FAM53C: variants seen among roughly 807,000 people sequenced by gnomAD.
FAM53C encodes family with sequence similarity 53 member C.
Under a neutral mutation model 34.7 loss-of-function variants are expected in FAM53C, and 10 were observed. That is an observed-to-expected ratio of 0.29 (90% CI 0.18 to 0.49). The LOEUF (loss-of-function observed/expected upper bound fraction) is 0.49. Ranked by LOEUF, FAM53C falls within the 20% of genes least tolerant of loss-of-function variation. FAM53C has a pLI of 0.99. For missense variants in FAM53C, 442 were observed against 515.3 expected, an observed-to-expected ratio of 0.86 and a Z score of 1.38; for synonymous variants, 203 against 203.6, an observed-to-expected ratio of 1.00 and a Z score of 0.03.
chr5:138,337,757 A>G, upstream of FAM53C: 3 of 356,428 alleles, frequency 8.4e-6, no homozygotes, highest in South Asian at 4.4e-5. Flanking sequence ...CTTGGACCAC[A>G]CTTCCCAGCA....
In FAM53C at chr5:138,344,845, CT is replaced by C; in HGVS notation, c.158del (p.Leu53ArgfsTer22). 1.3e-6 allele frequency: 2 copies of C among 1,567,276 alleles called. No individual in the cohort carries two copies. The highest frequency in any genetic ancestry group is 1.9e-5 in the Admixed American group (1 of 51,512). On this transcript the variant is annotated frameshift_variant, in exon 4 of 5. Transcript: ENST00000239906. LOFTEE classifies it high-confidence loss of function. ...LVSEGASWRG[L>X]PHCSCAEFQD... ...TCCAGAAGGTGCTTCCTGGAGGGGC[CT>C]GCCCCACTGTTCCTGTGCTGAGTTC...
In FAM53C at chr5:138,341,827, G is replaced by C. The variant is rs1456255330; in HGVS notation, c.97G>C (p.Asp33His). 1.9e-6 allele frequency: 3 copies of C among 1,614,064 alleles called. No homozygotes were observed. The highest frequency in any genetic ancestry group is 2.5e-6 in the Non-Finnish European group (3 of 1,180,030). ...TTCTTAGCCTTTGCCTGATCATGCA[G>C]ACATCTCCAACTGTGGGAACTCTTT... is the stretch of plus-strand genomic sequence containing the variant. ...SISLPLPDHA[D>H]ISNCGNSFQL... Residue 33 changes from aspartate to histidine, a missense_variant, in exon 3 of 5, where the codon GAC becomes CAC. By Grantham distance (81) the Asp-to-His change is moderately conservative. Coordinates refer to ENST00000239906, the MANE Select transcript of FAM53C (RefSeq NM_016605.3).
chr5:138,341,775 A>T (rs375006021), intron 2 of FAM53C, 34 bp from the exon 3 acceptor site: 52 of 1,607,206 alleles, frequency 3.2e-5, no homozygotes, highest in Non-Finnish European at 4.0e-5. Context: ...TGTGTCCTGA[A>T]TCCAAATCAT....
rs895434192 is a variant in FAM53C, at chr5:138,345,631, G to A, written c.921+22G>A. 5 of 1,595,610 alleles carry A rather than the reference G, an allele frequency of 3.1e-6. No homozygotes were observed. Among genetic ancestry groups the A allele is most frequent in the Non-Finnish European group, 4.3e-6 (5 of 1,169,444 alleles). ...TCAGGTGGGACCAGCAAGACTAGGG[G>A]AGCTTAGATGGGAGTGTGGGGACTG... On this transcript the variant is annotated intron_variant, in intron 4 of 4. Coordinates refer to ENST00000239906, the MANE Select transcript of FAM53C (RefSeq NM_016605.3). This position sits in a 1 kb window ranked among gnomAD's most constrained non-coding sequence, Gnocchi z 6.3.
In FAM53C at chr5:138,345,381, C is replaced by A; in HGVS notation, c.693C>A (p.Phe231Leu). The change falls in exon 4 of 5, where the codon TTC becomes TTA. Residue 231 changes from phenylalanine (F) to leucine (L), a missense_variant. By Grantham distance (22) the Phe-to-Leu change is conservative. Transcript: ENST00000239906. The surrounding 1 kb of genome is among the most constrained non-coding windows in gnomAD (Gnocchi z 6.3). ...CACCTTGCCCACCTCAGCGCCGCTT[C>A]TCCCTGTCACCCAGTCTGGGCCCGC... ...SLSPCPPQRR[F>L]SLSPSLGPQA... is the part of the protein sequence containing the mutation. 1.9e-6 allele frequency: 3 copies of A among 1,614,120 alleles called. No individual in the cohort carries two copies. The highest frequency in any genetic ancestry group is 2.5e-6 in the Non-Finnish European group (3 of 1,180,026).
intron 1 of FAM53C, among the ~76,000 whole-genome samples, chr5:138,339,071 G>A (rs1174235393): frequency 6.6e-6 from 1 of 152,216 alleles, no homozygotes; most frequent in African/African-American, 2.4e-5. Context: ...GTCTGGTGGG[G>A]TTGCTGAGAG....
chr5:138,338,019 T>C (rs1280059060), upstream of FAM53C: 1 of 1,289,592 alleles, frequency 7.8e-7, no homozygotes, highest in African/African-American at 1.5e-5. Context: ...CCGTCCACTT[T>C]CTGCGATATT....
chr5:138,339,428 C>T (rs1050768481), intron 1 of FAM53C, among the ~76,000 whole-genome samples: 1 of 152,176 alleles, frequency 6.6e-6, no homozygotes, highest in Non-Finnish European at 1.5e-5. Context: ...CTGTGTGTGG[C>T]CACATCCCAA....
chr5:138,338,416 C>T, intron 1 of FAM53C, 109 bp downstream of exon 1: 2 of 346,028 alleles, frequency 5.8e-6, no homozygotes, highest in Admixed American at 8.2e-5. Flanking sequence ...CGCGGCCGGG[C>T]CTCGCTGGCC....
intron 4 of FAM53C, among the ~76,000 whole-genome samples, chr5:138,346,069 G>T (rs1459149744): frequency 6.6e-6 from 1 of 152,146 alleles, no homozygotes; most frequent in Non-Finnish European, 1.5e-5. Flanking sequence ...AATGTTTTTT[G>T]ACTTCCTGGT....
chr5:138,340,191 T>C (rs761000221), intron 1 of FAM53C, among the ~76,000 whole-genome samples: 22 of 152,260 alleles, frequency 1.4e-4, no homozygotes, highest in South Asian at 4.1e-4. Context: ...AAGATTATTC[T>C]GCCCACTTTA....
At chr5:138,341,068 T>C (rs1761019985) in intron 1 of FAM53C, 116 bp from the exon 2 acceptor site, 1 of 545,660 alleles carries the variant, frequency 1.8e-6, no homozygotes, top group African/African-American at 1.9e-5. Context: ...CTGTGATCAA[T>C]TGATGTCTGC....
intron 1 of FAM53C, among the ~76,000 whole-genome samples, chr5:138,340,298 G>T (rs1382221889): frequency 1.3e-5 from 2 of 152,184 alleles, no homozygotes; most frequent in Non-Finnish European, 2.9e-5. Context: ...TTGTTCTCTT[G>T]ACTAGCTAAT....
chr5:138,340,396 C>G (rs1359702804), intron 1 of FAM53C, among the ~76,000 whole-genome samples: 1 of 152,202 alleles, frequency 6.6e-6, no homozygotes, highest in African/African-American at 2.4e-5. Context: ...TTAACCTCCC[C>G]TTTTCCCTTG....
chr5:138,346,733 A>T lies in FAM53C; in HGVS notation c.953A>T (p.Glu318Val). The change falls in exon 5 of 5, where the codon GAA (glutamate) becomes GTA (valine). Residue 318 changes from glutamate to valine, a missense_variant. By Grantham distance (121) the Glu-to-Val change is moderately radical. Coordinates refer to ENST00000239906, the MANE Select transcript of FAM53C (RefSeq NM_016605.3). ...TACTCAGGAGGTCTTTGTCTCCAAG[A>T]AACAGCCCGGGAAGGCAGCAGCATC... The part of the protein sequence containing the change: ...KPYSGGLCLQ[E>V]TAREGSSISP... 1.2e-6 allele frequency: 2 copies of T among 1,614,196 alleles called. No individual in the cohort carries two copies. The highest frequency in any genetic ancestry group is 1.7e-6 in the Non-Finnish European group (2 of 1,180,046).
chr5:138,346,297 A>C (rs10900851), intron 4 of FAM53C, among the ~76,000 whole-genome samples: 39,698 of 152,152 alleles, frequency 0.26, 5,374 homozygotes, highest in Middle Eastern at 0.28. Context: ...CTATTCTTCA[A>C]TTCAATGGAA....
At chr5:138,346,441 C>T (rs1161565471) in intron 4 of FAM53C, among the ~76,000 whole-genome samples, 4 of 152,134 alleles carry the variant, frequency 2.6e-5, no homozygotes, top group African/African-American at 7.2e-5. Context: ...CTGGCTAACA[C>T]GGTGAAACCT....
chr5:138,347,186 C>T lies in FAM53C; in HGVS notation c.*227C>T. The T allele has an allele frequency of 1.7e-6, 1 of 604,788 alleles. No homozygotes were observed. The highest frequency in any genetic ancestry group is 2.8e-6 in the Non-Finnish European group (1 of 352,366). The allele number at this position is 604,788 out of a possible 1,614,324, so 37.5% of individuals were successfully genotyped here. A position where few individuals can be genotyped will look rare whatever the true frequency, so the allele number is the denominator to read the frequency against. ...CGGGAGGGACAGCCCCAGAGCAGACCCTTCCTATGGCGGCCCTGAGTGTGA... is the reference window on the plus strand; with the variant it reads ...CGGGAGGGACAGCCCCAGAGCAGACTCTTCCTATGGCGGCCCTGAGTGTGA... On this transcript the variant is annotated 3_prime_UTR_variant, in exon 5 of 5. Coordinates refer to ENST00000239906, the MANE Select transcript of FAM53C (RefSeq NM_016605.3).
At chr5:138,338,733 T>C (rs929759162) in intron 1 of FAM53C, among the ~76,000 whole-genome samples, 4 of 152,126 alleles carry the variant, frequency 2.6e-5, no homozygotes, top group Admixed American at 1.3e-4. Flanking sequence ...GTTCCCCACT[T>C]GTCACCCCTT....
Sources: gnomAD v4.1 joint callset for allele counts (sites outside exome capture counted in the v4.1 genomes callset) on GRCh38, gnomAD v4.1.1 for gene constraint, Gnocchi (gnomAD v3.1) non-coding constraint, MANE v1.5 for transcripts, NCBI Gene and HGNC (gene_info 2026-07-23, HGNC 2026-07-21) for gene names.